ANXA4: variants seen among roughly 807,000 people sequenced by gnomAD.
ANXA4 encodes 35-beta calcimedin.
ANXA4 carries 39 observed loss-of-function variants against 49.8 expected under a neutral mutation model. The ratio of observed to expected loss-of-function variants is 0.78; its 90% CI spans 0.61 to 1.02. The LOEUF (loss-of-function observed/expected upper bound fraction) is 1.02. ANXA4 is among the 50% of genes least tolerant of loss of function. ANXA4 has a pLI of 0.00. For missense variants in ANXA4, 360 were observed against 410.1 expected (o/e 0.88, Z 1.05); for synonymous variants, 134 against 152.5 (o/e 0.88, Z 0.89).
intron 2 of ANXA4, among the ~76,000 whole-genome samples, chr2:69,692,072 A>G (rs1489766732): frequency 6.6e-6 from 1 of 152,096 alleles, no homozygotes; most frequent in Non-Finnish European, 1.5e-5. Context: ...TTTTGTAGAG[A>G]CAGGGTTTCA....
chr2:69,763,427 G>A (rs919134036), intron 1 of ANXA4, among the ~76,000 whole-genome samples: 5 of 152,062 alleles, frequency 3.3e-5, no homozygotes, highest in Middle Eastern at 3.4e-3. Flanking sequence ...TTTTCCCCAC[G>A]TGGGCAAATA....
At chr2:69,819,524 T>C (rs938453046) in intron 11 of ANXA4, among the ~76,000 whole-genome samples, 186 bp downstream of exon 11, 1 of 152,166 alleles carries the variant, frequency 6.6e-6, no homozygotes, top group African/African-American at 2.4e-5. Context: ...GATGTATGGA[T>C]CACTGTTTTT....
upstream of ANXA4, among the ~76,000 whole-genome samples, chr2:69,739,646 A>T (rs568685771): frequency 2.0e-5 from 3 of 150,432 alleles, no homozygotes; most frequent in South Asian, 6.3e-4. Context: ...CTGATCTCGA[A>T]CTCCTGACCT....
At chr2:69,669,296 CCAAA>C (rs1208260983) in intron 2 of ANXA4, among the ~76,000 whole-genome samples, 1 of 151,652 alleles carries the variant, frequency 6.6e-6, no homozygotes, top group African/African-American at 2.4e-5. Flanking sequence ...AAGGGTGTAA[CCAAA>C]CAAATTTTTG....
intron 3 of ANXA4, among the ~76,000 whole-genome samples, chr2:69,795,449 C>T (rs1034311055): frequency 2.6e-5 from 4 of 152,178 alleles, no homozygotes; most frequent in African/African-American, 9.7e-5. Flanking sequence ...ATTAATGAGG[C>T]AGATGTCCTG....
At chr2:69,748,150 T>C (rs1482586934) in intron 1 of ANXA4, among the ~76,000 whole-genome samples, 1 of 150,808 alleles carries the variant, frequency 6.6e-6, no homozygotes, top group Non-Finnish European at 1.5e-5. Context: ...CTGAGGCGGG[T>C]GGATCACGAG....
At chr2:69,805,540 A>T (rs1673412468) in intron 4 of ANXA4, among the ~76,000 whole-genome samples, 1 of 151,474 alleles carries the variant, frequency 6.6e-6, no homozygotes, top group African/African-American at 2.4e-5. Context: ...CAGGAGGCGG[A>T]GTCTGCAGTG....
intron 7 of ANXA4, 123 bp from the exon 8 acceptor site, chr2:69,812,530 G>A: frequency 1.4e-6 from 1 of 733,602 alleles, no homozygotes; most frequent in South Asian, 1.9e-5. Context: ...CTCCCTCCCT[G>A]GGTCTGAAGC....
intron 2 of ANXA4, among the ~76,000 whole-genome samples, chr2:69,691,311 A>T (rs1480262929): frequency 6.6e-6 from 1 of 151,682 alleles, no homozygotes; most frequent in Non-Finnish European, 1.5e-5. Context: ...TTTAGTAGAG[A>T]CGGGGTTTCA....
At chr2:69,790,694 A>C (rs1048870591) in intron 3 of ANXA4, among the ~76,000 whole-genome samples, 1 of 152,186 alleles carries the variant, frequency 6.6e-6, no homozygotes, top group Non-Finnish European at 1.5e-5. Context: ...CAGGATTTGT[A>C]GGATAATTGC....
Position 69,706,560 on chromosome 2 carries a change from C to T in ANXA4, n.767-14214C>T, listed in dbSNP as rs192434046. Among the ~76,000 whole-genome samples the T allele has an allele frequency of 9.8e-4, 149 of 152,094 alleles. 1 individual carries two copies. The highest frequency in any genetic ancestry group is 3.2e-3 in the African/African-American group (134 of 41,466). Reference sequence around the variant, plus strand: ...CAGGTGATCCACCTGCCTCAGCCTCCCAAAGTGCTGGGATTACAGGCATGA... The same window carrying T: ...CAGGTGATCCACCTGCCTCAGCCTCTCAAAGTGCTGGGATTACAGGCATGA... On this transcript the variant is annotated intron_variant and non_coding_transcript_variant, in intron 2 of 3. Transcript: ENST00000418066.
chr2:69,770,734 C>A (rs1671672958), intron 1 of ANXA4, among the ~76,000 whole-genome samples: 1 of 152,108 alleles, frequency 6.6e-6, no homozygotes, highest in South Asian at 2.1e-4. Context: ...CACACACATG[C>A]AAACACACAC....
At chr2:69,744,772 C>T (rs1670545317) in intron 1 of ANXA4, among the ~76,000 whole-genome samples, 1 of 152,204 alleles carries the variant, frequency 6.6e-6, no homozygotes, top group Admixed American at 6.5e-5. Flanking sequence ...TGCCAGGATA[C>T]AAAAGCCTGT....
chr2:69,818,548 A>T, intron 9 of ANXA4, 51 bp from the exon 10 acceptor site: 1 of 1,193,618 alleles, frequency 8.4e-7, no homozygotes. Context: ...CATAAATTTT[A>T]GTTTCCTCTG....
At chr2:69,753,399 C>T (rs891064260) in intron 1 of ANXA4, among the ~76,000 whole-genome samples, 2 of 152,178 alleles carry the variant, frequency 1.3e-5, no homozygotes, top group Non-Finnish European at 2.9e-5. Flanking sequence ...TTTCCAGAGT[C>T]AAGGGTCCTC....
chr2:69,691,847 G>A (rs1677983185), intron 2 of ANXA4, among the ~76,000 whole-genome samples: 1 of 152,156 alleles, frequency 6.6e-6, no homozygotes, highest in African/African-American at 2.4e-5. Flanking sequence ...AGGGAAGGGG[G>A]ATTGGTTACT....
chr2:69,724,779 A>AGAAAGAAAGATAAG (rs1669915167), intron 3 of ANXA4, among the ~76,000 whole-genome samples: 1 of 152,278 alleles, frequency 6.6e-6, no homozygotes. Context: ...AGAAAGATGA[A>AGAAAGAAAGATAAG]CTCATTCGGC....
At chr2:69,794,531 T>C (rs1248383083) in intron 3 of ANXA4, among the ~76,000 whole-genome samples, 3 of 126,238 alleles carry the variant, frequency 2.4e-5, no homozygotes, top group East Asian at 1.9e-4. Context: ...TATTATGTTA[T>C]GTTATGTTAT....
chr2:69,760,624 C>T lies in ANXA4; in HGVS notation c.-47+18449C>T, dbSNP rs538170543. ...GTATTCTGGGGCTTTGTTTTTTTCCCTTGTTTTCTAGCATTTTGACATAGG... is the reference window on the plus strand; with the variant it reads ...GTATTCTGGGGCTTTGTTTTTTTCCTTTGTTTTCTAGCATTTTGACATAGG... On this transcript the variant is annotated intron_variant, in intron 1 of 12. Transcript: ENST00000394295. Among the ~76,000 whole-genome samples, 104 of 152,060 alleles carry T rather than the reference C, an allele frequency of 6.8e-4. 1 individual carries two copies. Among genetic ancestry groups the T allele is most frequent in the Non-Finnish European group, 1.0e-3 (70 of 67,984 alleles).
Sources: allele counts gnomAD v4.1 joint callset (sites outside exome capture counted in the v4.1 genomes callset), GRCh38; gene constraint gnomAD v4.1.1; transcripts MANE v1.5; gene names NCBI Gene and HGNC (gene_info 2026-07-23, HGNC 2026-07-21).